The following RELN variants were observed in gnomAD, a reference collection of about 807,000 sequenced individuals.
The protein encoded by RELN is reelin.
A neutral mutation model predicts 427.6 loss-of-function variants in RELN; 108 were observed. The ratio of observed to expected loss-of-function variants is 0.25; its 90% confidence interval spans 0.22 to 0.30. RELN has a LOEUF of 0.30. RELN is among the 10% of genes least tolerant of loss of function. The pLI, the probability that RELN is intolerant of heterozygous loss-of-function variation, is 1.00. For missense variants in RELN, 3,715 were observed against 4,302.8 expected (o/e 0.86, Z 3.82); for synonymous variants, 1,524 against 1,513.4 (o/e 1.01, Z -0.16).
At chr7:103,932,158 T>G (rs1411214138) in intron 1 of RELN, among the ~76,000 whole-genome samples, 1 of 151,862 alleles carries the variant, frequency 6.6e-6, no homozygotes, top group Non-Finnish European at 1.5e-5. Context: ...AATGGTAGAG[T>G]GGATAAAGAA....
At chr7:103,822,236 C>A (rs1018922486) in intron 3 of RELN, among the ~76,000 whole-genome samples, 1 of 151,714 alleles carries the variant, frequency 6.6e-6, no homozygotes, top group South Asian at 2.1e-4. Context: ...TTAATATTAA[C>A]CTTCTAAATT....
At chr7:103,899,269 C>T (rs1379676659) in intron 2 of RELN, among the ~76,000 whole-genome samples, 2 of 151,828 alleles carry the variant, frequency 1.3e-5, no homozygotes, top group Non-Finnish European at 2.9e-5. Flanking sequence ...GAATAAACCA[C>T]AAACAAGTTC....
At position 103,708,653 on chromosome 7, in the gene RELN, C is replaced by T. The variant is rs557366819; in HGVS notation, c.806-7647G>A. On this transcript the variant is annotated intron_variant, in intron 8 of 64. Coordinates refer to ENST00000428762, the MANE Select transcript of RELN (RefSeq NM_005045.4). Reference sequence around the variant, plus strand: ...TAATTTTTTGTATTTTTAGTAGAAACGGGGTTTCACCGTGTTAGCCAAGAT... The same window carrying T: ...TAATTTTTTGTATTTTTAGTAGAAATGGGGTTTCACCGTGTTAGCCAAGAT... 3.0e-4 allele frequency among the ~76,000 whole-genome samples: 45 copies of T among 151,754 alleles called. No homozygotes were observed. The South Asian group carries it at 7.5e-3, about 25-fold the overall frequency.
chr7:103,869,089 G>A (rs1794267802), intron 2 of RELN, among the ~76,000 whole-genome samples: 1 of 151,946 alleles, frequency 6.6e-6, no homozygotes, highest in Non-Finnish European at 1.5e-5. Flanking sequence ...TGTTCCCTCT[G>A]TGCATAAAGG....
At chr7:103,627,606 A>G (rs1562929455) in intron 20 of RELN, among the ~76,000 whole-genome samples, 30 of 150,022 alleles carry the variant, frequency 2.0e-4, no homozygotes. Flanking sequence ...TATCACCACC[A>G]GGGTATACTC....
chr7:103,557,088 C>T lies in RELN; in HGVS notation c.5686G>A (p.Asp1896Asn). ...GTTGTTTGAGGAAAGTAAAATTCAT[C>T]CATCAGGTGCCAAGTGATTCCTCCA... Reference protein sequence around the residue: ...ISGGITWHLMDEFYFPQTTNI... With the variant: ...ISGGITWHLMNEFYFPQTTNI... Residue 1896 changes from aspartate to asparagine, a missense_variant, in exon 38 of 65, where the codon GAT (aspartate) becomes AAT (asparagine). By Grantham distance (23) the Asp-to-Asn change is conservative. Transcript: ENST00000428762. The T allele has an allele frequency of 6.2e-7, 1 of 1,613,566 alleles. No homozygotes were observed. Among genetic ancestry groups the T allele is most frequent in the Non-Finnish European group, 8.5e-7 (1 of 1,179,478 alleles).
chr7:103,767,126 A>G (rs965149686), intron 4 of RELN, among the ~76,000 whole-genome samples: 2 of 152,166 alleles, frequency 1.3e-5, no homozygotes, highest in African/African-American at 4.8e-5. Flanking sequence ...TCCATCTTCA[A>G]CTGTGATGTG....
At position 103,491,937 on chromosome 7, in the gene RELN, A is replaced by G; in HGVS notation, c.9443+16T>C. On this transcript the variant is annotated intron_variant, in intron 58 of 64. Transcript: ENST00000428762. ...TATTCAAGTTTGAAGATAATGTTAAAAATTATTTCACAAACCTTGCATCCT... is the reference window on the plus strand; with the variant it reads ...TATTCAAGTTTGAAGATAATGTTAAGAATTATTTCACAAACCTTGCATCCT... The G allele has an allele frequency of 6.2e-7, 1 of 1,600,570 alleles. No homozygotes were observed. Among genetic ancestry groups the G allele is most frequent in the Non-Finnish European group, 8.5e-7 (1 of 1,169,812 alleles).
chr7:103,906,710 T>G (rs916431982), intron 2 of RELN, among the ~76,000 whole-genome samples: 2 of 152,196 alleles, frequency 1.3e-5, no homozygotes, highest in African/African-American at 2.4e-5. Flanking sequence ...ATAGCTTGGC[T>G]TTTGTACCTT....
intron 5 of RELN, among the ~76,000 whole-genome samples, chr7:103,752,204 A>G (rs1791020393): frequency 6.6e-6 from 1 of 152,172 alleles, no homozygotes. Context: ...AGATGAGAAA[A>G]CTGAGGCACA....
intron 25 of RELN, among the ~76,000 whole-genome samples, chr7:103,595,300 C>T (rs1378509463): frequency 6.6e-6 from 1 of 152,138 alleles, no homozygotes; most frequent in Admixed American, 6.6e-5. Flanking sequence ...TCCCTCTCTA[C>T]TATATTGCAT....
At chr7:103,698,545 G>T (rs1562961713) in intron 9 of RELN, among the ~76,000 whole-genome samples, 2 of 152,118 alleles carry the variant, frequency 1.3e-5, no homozygotes, top group Non-Finnish European at 2.9e-5. Flanking sequence ...ACAGGGTCTT[G>T]CTCTGTCATA....
At chr7:103,909,787 ATATTAAATATATATTAATATATAATAT>A (rs1563085182) in intron 2 of RELN, among the ~76,000 whole-genome samples, 1 of 97,196 alleles carries the variant, frequency 1.0e-5, no homozygotes, top group African/African-American at 4.2e-5. Context: ...ATAAATATAT[ATATTAAATATATATTAATATATAATAT>A]TATATATAAA....
intron 1 of RELN, among the ~76,000 whole-genome samples, chr7:103,943,847 C>CGAAAA (rs1796163942): frequency 6.8e-5 from 1 of 14,600 alleles, no homozygotes; most frequent in Non-Finnish European, 1.5e-4. Flanking sequence ...GATTCTGTCT[C>CGAAAA]CAAAAAAAAA....
chr7:103,811,620 T>G (rs1265538915), intron 3 of RELN, among the ~76,000 whole-genome samples: 1 of 152,178 alleles, frequency 6.6e-6, no homozygotes, highest in Non-Finnish European at 1.5e-5. Flanking sequence ...AACAAGTCAT[T>G]AATTCACCGT....
intron 3 of RELN, among the ~76,000 whole-genome samples, chr7:103,777,770 G>A (rs575778095): frequency 9.6e-4 from 146 of 152,212 alleles, no homozygotes; most frequent in African/African-American, 3.4e-3. Context: ...CCTAGTGTCA[G>A]TCCCCGTGGA....
chr7:103,617,171 T>A (rs1832100012), intron 20 of RELN, among the ~76,000 whole-genome samples: 1 of 152,188 alleles, frequency 6.6e-6, no homozygotes, highest in Non-Finnish European at 1.5e-5. Flanking sequence ...ATATACAGTG[T>A]GTGTGTGTGA....
intron 52 of RELN, 87 bp downstream of exon 52, chr7:103,502,929 C>G (rs375319118): frequency 1.4e-5 from 15 of 1,101,246 alleles, no homozygotes; most frequent in Middle Eastern, 4.3e-4. Context: ...CCCACAAATA[C>G]ACATAATTTC....
intron 43 of RELN, among the ~76,000 whole-genome samples, chr7:103,542,207 G>A (rs1830191120): frequency 6.6e-6 from 1 of 152,182 alleles, no homozygotes; most frequent in South Asian, 2.1e-4. Flanking sequence ...GAATGTGTGA[G>A]TGAATCATTG....
Sources: allele counts gnomAD v4.1 joint callset (sites outside exome capture counted in the v4.1 genomes callset), GRCh38; gene constraint gnomAD v4.1.1; transcripts MANE v1.5; gene names NCBI Gene and HGNC (gene_info 2026-07-23, HGNC 2026-07-21).